Variants in FAAH2 observed in about 807,000 individuals in gnomAD.
FAAH2 encodes the protein fatty acid amide hydrolase 2, also known as fatty-acid amide hydrolase 2.
In FAAH2, 60 loss-of-function variants were observed where a neutral mutation model predicts 36.9. The ratio of observed to expected loss-of-function variants is 1.63; its 90% CI spans 1.32 to 2.02. The LOEUF (loss-of-function observed/expected upper bound fraction) is 2.02. Among genes scored for constraint, FAAH2 ranks in the 30% most tolerant of loss-of-function variants. The pLI is 0.00. For synonymous variants in FAAH2, 214 were observed against 143.8 expected, an observed-to-expected ratio of 1.49 and a Z score of -3.49; for missense variants, 689 against 397.5, an observed-to-expected ratio of 1.73 and a Z score of -6.23.
At chrX:57,344,242 T>C (rs1461014786) in intron 5 of FAAH2, among the ~76,000 whole-genome samples, 3 of 110,938 alleles carry the variant, frequency 2.7e-5, no homozygotes, top group Non-Finnish European at 5.7e-5. Context: ...CAATCCATGA[T>C]AATGGAATAT....
At chrX:57,269,645 TA>T in the FAAH2 span, among the ~76,000 whole-genome samples, 1 of 111,501 alleles carries the variant, frequency 9.0e-6, no homozygotes, top group African/African-American at 3.3e-5. Flanking sequence ...AAAATGAAAT[TA>T]AGGGAGAAAT....
the FAAH2 span, among the ~76,000 whole-genome samples, chrX:57,164,778 A>G: frequency 8.9e-6 from 1 of 112,832 alleles, no homozygotes; most frequent in Admixed American, 9.3e-5. Context: ...TGTAAAAATA[A>G]TAACAACTCT....
chrX:57,363,667 C>G (rs2054338861), intron 5 of FAAH2, among the ~76,000 whole-genome samples: 1 of 111,180 alleles, frequency 9.0e-6, no homozygotes, highest in South Asian at 3.8e-4. Flanking sequence ...ACACTTCCAG[C>G]TTTAGTCAAT....
At chrX:57,321,374 G>T (rs1223197394) in intron 3 of FAAH2, among the ~76,000 whole-genome samples, 1 of 109,279 alleles carries the variant, frequency 9.2e-6, no homozygotes, top group African/African-American at 3.3e-5. Flanking sequence ...ACCTAAAGTA[G>T]ATGACGTGTT....
the FAAH2 span, among the ~76,000 whole-genome samples, chrX:57,272,772 G>A: frequency 8.9e-6 from 1 of 112,062 alleles, no homozygotes; most frequent in African/African-American, 3.2e-5. Flanking sequence ...ACATGGAAAG[G>A]AAAAACAGTT....
At chrX:57,218,377 T>A in the FAAH2 span, among the ~76,000 whole-genome samples, 53 of 112,222 alleles carry the variant, frequency 4.7e-4, no homozygotes, top group African/African-American at 1.7e-3. Flanking sequence ...ATGTCCCTTG[T>A]ATGCCAATTT....
At chrX:57,378,816 C>T (rs1172896801) in intron 6 of FAAH2, 30 bp downstream of exon 6, 6 of 1,174,377 alleles carry the variant, frequency 5.1e-6, no homozygotes, top group Non-Finnish European at 6.9e-6. Context: ...TTTCCTTGGA[C>T]TCTTATCCTG....
At chrX:57,205,254 G>A in the FAAH2 span, among the ~76,000 whole-genome samples, 2 of 112,673 alleles carry the variant, frequency 1.8e-5, no homozygotes, top group African/African-American at 6.4e-5. Context: ...AGGTAATGCT[G>A]TATCTGCTTT....
At chrX:57,253,541 A>T in the FAAH2 span, among the ~76,000 whole-genome samples, 1 of 111,978 alleles carries the variant, frequency 8.9e-6, no homozygotes, top group African/African-American at 3.3e-5. Context: ...TACCCGCAAA[A>T]GGAAGCCCAT....
At chrX:57,354,610 C>A (rs762427552) in intron 5 of FAAH2, among the ~76,000 whole-genome samples, 7 of 110,615 alleles carry the variant, frequency 6.3e-5, no homozygotes, top group African/African-American at 2.3e-4. Context: ...ACTTCAGTGG[C>A]AAATCTGTCA....
Position 57,331,813 on chromosome X carries a change from T to C in FAAH2, c.622+6T>C, listed in dbSNP as rs1359311949. The C allele has an allele frequency of 8.3e-7, 1 of 1,201,961 alleles. No individual in the cohort carries two copies. Among genetic ancestry groups the C allele is most frequent in the Admixed American group, 2.2e-5 (1 of 45,937 alleles). The stretch of plus-strand genomic sequence containing the variant: ...TATTGTAGGTGGAAGTTCTGGTGAG[T>C]TGGACATTTTAGTATGGCATGAATA... On this transcript the variant is annotated splice_donor_region_variant and intron_variant, in intron 4 of 10. Transcript: ENST00000374900.
At chrX:57,240,389 C>T in the FAAH2 span, among the ~76,000 whole-genome samples, 4 of 111,742 alleles carry the variant, frequency 3.6e-5, no homozygotes, top group African/African-American at 1.3e-4. Flanking sequence ...AGGTTAAGCA[C>T]CTGCTGTGCT....
chrX:57,401,764 C>T (rs1301455655), intron 7 of FAAH2, among the ~76,000 whole-genome samples: 2 of 111,174 alleles, frequency 1.8e-5, no homozygotes, highest in East Asian at 5.7e-4. Flanking sequence ...CCTTCTGTTG[C>T]CCAGGCTTCA....
intron 3 of FAAH2, among the ~76,000 whole-genome samples, chrX:57,319,703 C>T (rs765178816): frequency 1.3e-4 from 15 of 111,546 alleles, no homozygotes; most frequent in South Asian, 3.8e-4. Context: ...AAAAGAGCTC[C>T]GATAGCCAAG....
chrX:57,289,435 C>T (rs1436612866), intron 1 of FAAH2, among the ~76,000 whole-genome samples: 1 of 111,096 alleles, frequency 9.0e-6, no homozygotes, highest in Non-Finnish European at 1.9e-5. Context: ...AATACATCAA[C>T]TTATGGCCAC....
chrX:57,261,278 T>A, the FAAH2 span, among the ~76,000 whole-genome samples: 2 of 111,014 alleles, frequency 1.8e-5, no homozygotes, highest in African/African-American at 6.5e-5. Flanking sequence ...TGAAAAAATC[T>A]ATATTTGGCC....
intron 7 of FAAH2, among the ~76,000 whole-genome samples, chrX:57,414,709 A>G (rs760774709): frequency 3.6e-5 from 4 of 111,389 alleles, no homozygotes; most frequent in South Asian, 7.6e-4. Context: ...AGGTTTTGGT[A>G]TCAGGATGAT....
intron 6 of FAAH2, 115 bp downstream of exon 6, chrX:57,378,901 T>G: frequency 1.1e-6 from 1 of 901,305 alleles, no homozygotes; most frequent in Non-Finnish European, 1.5e-6. Context: ...TTTTACAGGT[T>G]TTTATGAGAG....
At chrX:57,449,900 A>G (rs1486162292) in intron 10 of FAAH2, among the ~76,000 whole-genome samples, 1 of 111,669 alleles carries the variant, frequency 9.0e-6, no homozygotes, top group Non-Finnish European at 1.9e-5. Context: ...TCCTGACCTC[A>G]GATTATCTGT....
Sources: allele counts gnomAD v4.1 joint callset (sites outside exome capture counted in the v4.1 genomes callset), GRCh38; gene constraint gnomAD v4.1.1; transcripts MANE v1.5; gene names NCBI Gene and HGNC (gene_info 2026-07-23, HGNC 2026-07-21).